The following RPH3AL variants were observed in gnomAD, a reference collection of about 807,000 sequenced individuals.
RPH3AL encodes rabphilin 3A like (without C2 domains).
RPH3AL carries 38 observed loss-of-function variants against 43.1 expected under a neutral mutation model. The ratio of observed to expected loss-of-function variants is 0.88; its 90% confidence interval spans 0.68 to 1.15. The LOEUF is 1.15. Ranked by LOEUF, RPH3AL falls within the 50% of genes most tolerant of loss-of-function variation. The probability of loss-of-function intolerance (pLI) is 0.00; values close to 1 mark genes in which losing one functional copy is unlikely to be tolerated. For synonymous variants in RPH3AL, 189 were observed against 176.3 expected, an observed-to-expected ratio of 1.07 and a Z score of -0.57; for missense variants, 462 against 423.2, an observed-to-expected ratio of 1.09 and a Z score of -0.81.
At chr17:266,931 C>A (rs2042339332) in intron 6 of RPH3AL, among the ~76,000 whole-genome samples, 1 of 152,242 alleles carries the variant, frequency 6.6e-6, no homozygotes, top group African/African-American at 2.4e-5. Flanking sequence ...GGGCTGCGTG[C>A]CCCTGGATCA....
At position 281,789 on chromosome 17, in the gene RPH3AL, C is replaced by T. The variant is rs753195879; in HGVS notation, c.417G>A (p.Lys139=). Residue 139 remains lysine, a synonymous_variant, in exon 6 of 10, where the codon AAG becomes AAA. Transcript: ENST00000331302. The part of the protein sequence containing the change: ...PGQKRPLWLC[K]ICSEQREVWK... ...CTACCTCTCTTTGCTCACTGCAGAT[C>T]TTACACAGCCACAGGGGCCGCTTCT... The T allele has an allele frequency of 1.2e-6, 2 of 1,613,898 alleles. No individual in the cohort carries two copies. The highest frequency in any genetic ancestry group is 2.2e-5 in the South Asian group (2 of 91,072).
intron 5 of RPH3AL, among the ~76,000 whole-genome samples, chr17:295,385 G>A (rs1168262016): frequency 2.5e-4 from 27 of 109,930 alleles, no homozygotes; most frequent in East Asian, 2.9e-4. Context: ...CAGTGTGGGA[G>A]GGACAGAGGA....
chr17:222,788 G>T lies in RPH3AL; in HGVS notation c.614-3052C>A, dbSNP rs79023460. On this transcript the variant is annotated intron_variant, in intron 7 of 9. Coordinates refer to ENST00000331302, the MANE Select transcript of RPH3AL (RefSeq NM_006987.4). ...AGCGGGACCCACAGACCCTGGCCAA[G>T]CAGGACAACTGCAGAATCCTCCTTT... Among the ~76,000 whole-genome samples the T allele has an allele frequency of 6.5e-3, 986 of 152,254 alleles. 10 individuals are homozygous for T. The highest frequency in any genetic ancestry group is 0.022 in the African/African-American group (922 of 41,548).
chr17:230,917 C>T (rs1292879342), intron 7 of RPH3AL, among the ~76,000 whole-genome samples: 1 of 152,158 alleles, frequency 6.6e-6, no homozygotes, highest in East Asian at 1.9e-4. Flanking sequence ...AACTCCTGGG[C>T]TCCAGGGATC....
intron 5 of RPH3AL, among the ~76,000 whole-genome samples, chr17:284,716 G>C (rs1282714136): frequency 1.3e-5 from 2 of 152,182 alleles, no homozygotes; most frequent in Non-Finnish European, 2.9e-5. Context: ...CACAGCCAAG[G>C]GGGAGAGGAC....
At chr17:220,856 C>A (rs555544928) in intron 7 of RPH3AL, among the ~76,000 whole-genome samples, 1 of 9,966 alleles carries the variant, frequency 1.0e-4, no homozygotes, top group African/African-American at 2.6e-4. Flanking sequence ...TAGACCCAAG[C>A]ACAACAGCTC....
At chr17:325,848 C>T (rs1483734368) in intron 3 of RPH3AL, among the ~76,000 whole-genome samples, 4 of 152,276 alleles carry the variant, frequency 2.6e-5, no homozygotes, top group East Asian at 1.9e-4. Flanking sequence ...GAGGGTCCCA[C>T]GGGACACAGC....
intron 5 of RPH3AL, among the ~76,000 whole-genome samples, chr17:293,815 G>T (rs1217668403): frequency 6.6e-6 from 1 of 151,948 alleles, no homozygotes; most frequent in East Asian, 1.9e-4. Context: ...GATCGCCTGA[G>T]GTCAGGAGTT....
rs568520768 is a variant in RPH3AL at position 247,212 on chromosome 17, C to A, written c.512G>T (p.Arg171Leu). The change falls in exon 7 of 10, where the codon CGA becomes CTA. Residue 171 changes from arginine to leucine, a missense_variant. By Grantham distance (102) the Arg-to-Leu change is moderately radical (BLOSUM62 -2). Coordinates refer to ENST00000331302, the MANE Select transcript of RPH3AL (RefSeq NM_006987.4). ...AGGTCGGAAGTGGGGGTCATCAGCT[C>A]GGCCAGGGGTCTTCAGGGGCAAGAT... Reference protein sequence around the residue: ...KYILPLKTPGRADDPHFRPLP... With the variant: ...KYILPLKTPGLADDPHFRPLP... 36 of 1,613,570 alleles carry A rather than the reference C, an allele frequency of 2.2e-5. No homozygotes were observed. In the Middle Eastern group the frequency reaches 1.3e-3, roughly 60 times the overall value.
rs1197508882 is a variant in RPH3AL at position 246,960 on chromosome 17, G to A, written c.613+151C>T. 2 of 837,608 alleles carry A rather than the reference G, an allele frequency of 2.4e-6. No individual in the cohort carries two copies. The highest frequency in any genetic ancestry group is 3.3e-5 in the African/African-American group (2 of 59,824). 51.9% of individuals were successfully genotyped at this position (837,608 alleles called of 1,614,324 possible). Reference sequence around the variant, plus strand: ...CCCCGCTGCTCACTCGGGAGAAGGTGTGGAGCTGAGGGCACAGGGAGGGAC... The same window carrying A: ...CCCCGCTGCTCACTCGGGAGAAGGTATGGAGCTGAGGGCACAGGGAGGGAC... On this transcript the variant is annotated intron_variant, in intron 7 of 9. Transcript: ENST00000331302. This position sits in a 1 kb window ranked among gnomAD's most constrained non-coding sequence, Gnocchi z 4.8.
chr17:296,534 G>A (rs1479042979), intron 5 of RPH3AL, among the ~76,000 whole-genome samples: 3 of 152,164 alleles, frequency 2.0e-5, no homozygotes, highest in African/African-American at 7.2e-5. Flanking sequence ...AGCAGCTCCT[G>A]GACCAGCTCC....
intron 2 of RPH3AL, chr17:332,732 C>T (rs917061725): frequency 7.1e-6 from 2 of 281,740 alleles, no homozygotes; most frequent in African/African-American, 2.2e-5. Context: ...GGCAGCTCCA[C>T]CTGACGGCTG....
intron 5 of RPH3AL, among the ~76,000 whole-genome samples, chr17:302,918 C>T (rs1213047666): frequency 6.6e-6 from 1 of 152,216 alleles, no homozygotes; most frequent in African/African-American, 2.4e-5. Context: ...AACACCCAGA[C>T]CCCGAAGGTC....
intron 1 of RPH3AL, among the ~76,000 whole-genome samples, chr17:341,771 C>T (rs2045125487): frequency 6.6e-6 from 1 of 152,160 alleles, no homozygotes; most frequent in South Asian, 2.1e-4. Flanking sequence ...TCATCTCAAA[C>T]TCCTGGGCTC....
At position 213,627 on chromosome 17, in the gene RPH3AL, G is replaced by T; in HGVS notation, c.*225C>A. The T allele has an allele frequency of 3.4e-6, 2 of 593,748 alleles. No homozygotes were observed. The highest frequency in any genetic ancestry group is 6.0e-6 in the Non-Finnish European group (2 of 331,832). The allele number at this position is 593,748 out of a possible 1,614,324, so 36.8% of individuals were successfully genotyped here. A position where few individuals can be genotyped will look rare whatever the true frequency, so the allele number is the denominator to read the frequency against. On this transcript the variant is annotated 3_prime_UTR_variant, in exon 10 of 10. Transcript: ENST00000331302. ...AGGGGAGGGTAATAAATAAGGTCGG[G>T]GGCTGAGGGCAGTGGTTGGAGGGGG...
chr17:255,901 T>C (rs201637728), intron 6 of RPH3AL, among the ~76,000 whole-genome samples: 1,171 of 39,196 alleles, frequency 0.03, 8 homozygotes, highest in East Asian at 0.072. Flanking sequence ...CTACCCTACG[T>C]ACTTCCTATG....
At chr17:253,421 G>A (rs985794758) in intron 6 of RPH3AL, among the ~76,000 whole-genome samples, 1 of 152,190 alleles carries the variant, frequency 6.6e-6, no homozygotes, top group South Asian at 2.1e-4. Context: ...GTGCCAGTGA[G>A]TCCTCAGCTC....
In RPH3AL at chr17:225,754, T is replaced by G. The variant is rs1444016374; in HGVS notation, c.614-6018A>C. 6.6e-6 allele frequency among the ~76,000 whole-genome samples: 1 copy of G among 151,648 alleles called. No individual in the cohort carries two copies. Among genetic ancestry groups the G allele is most frequent in the African/African-American group, 2.4e-5 (1 of 41,216 alleles). Reference sequence around the variant, plus strand: ...TGTCCCATCTCCCCCACAGCTAATATGGAAAATCTACACAGTCTGGGGCTG... The same window carrying G: ...TGTCCCATCTCCCCCACAGCTAATAGGGAAAATCTACACAGTCTGGGGCTG... On this transcript the variant is annotated intron_variant, in intron 7 of 9. Coordinates refer to ENST00000331302, the MANE Select transcript of RPH3AL (RefSeq NM_006987.4). This position sits in a 1 kb window ranked among gnomAD's most constrained non-coding sequence, Gnocchi z 4.4.
At chr17:298,145 G>A (rs981497287) in intron 5 of RPH3AL, among the ~76,000 whole-genome samples, 2 of 152,046 alleles carry the variant, frequency 1.3e-5, no homozygotes, top group African/African-American at 4.8e-5. Context: ...ATGACCCAGT[G>A]CCAGGGTCCA....
Sources: allele counts gnomAD v4.1 joint callset (sites outside exome capture counted in the v4.1 genomes callset), GRCh38; gene constraint gnomAD v4.1.1; non-coding constraint Gnocchi (gnomAD v3.1); transcripts MANE v1.5; gene names NCBI Gene and HGNC (gene_info 2026-07-23, HGNC 2026-07-21).